Variants in POU6F2 observed in about 807,000 individuals in gnomAD.
POU6F2 encodes POU domain, class 6, transcription factor 2.
Under a neutral mutation model 71.3 loss-of-function variants are expected in POU6F2, and 31 were observed. That is an observed-to-expected ratio of 0.43 (90% CI 0.33 to 0.59). The LOEUF (loss-of-function observed/expected upper bound fraction) is 0.59. Among genes scored for constraint, POU6F2 ranks in the 20% least tolerant of loss-of-function variants. The pLI, the probability that POU6F2 is intolerant of heterozygous loss-of-function variation, is 0.04. For missense variants in POU6F2, 783 were observed against 856.8 expected (o/e 0.91, Z 1.07); for synonymous variants, 347 against 355.7 (o/e 0.98, Z 0.27).
intron 7 of POU6F2, among the ~76,000 whole-genome samples, chr7:39,433,522 G>C (rs964506470): frequency 6.6e-6 from 1 of 152,132 alleles, no homozygotes; most frequent in Non-Finnish European, 1.5e-5. Context: ...CAAACAGAGA[G>C]AGTGCCCTAA....
At chr7:39,031,491 A>G (rs1043199963) in intron 1 of POU6F2, among the ~76,000 whole-genome samples, 1 of 152,192 alleles carries the variant, frequency 6.6e-6, no homozygotes, top group African/African-American at 2.4e-5. Context: ...CACCTACTCT[A>G]TATTTCTATC....
chr7:39,458,229 G>A (rs1286671136), intron 8 of POU6F2, among the ~76,000 whole-genome samples: 2 of 152,152 alleles, frequency 1.3e-5, no homozygotes, highest in African/African-American at 4.8e-5. Flanking sequence ...GTGTGAACAT[G>A]AGGAGGAGCT....
intron 1 of POU6F2, among the ~76,000 whole-genome samples, chr7:39,021,188 C>T (rs1482884772): frequency 6.6e-6 from 1 of 151,756 alleles, no homozygotes; most frequent in Non-Finnish European, 1.5e-5. Context: ...TTGGTATATG[C>T]TTACAATGTG....
chr7:39,098,082 G>T (rs1007681484), intron 2 of POU6F2, among the ~76,000 whole-genome samples: 1 of 152,146 alleles, frequency 6.6e-6, no homozygotes, highest in African/African-American at 2.4e-5. Context: ...TTTAGGGATT[G>T]TCTCTTAATC....
At chr7:39,387,220 C>T (rs942457428) in intron 5 of POU6F2, among the ~76,000 whole-genome samples, 1 of 152,216 alleles carries the variant, frequency 6.6e-6, no homozygotes, top group Admixed American at 6.5e-5. Context: ...ATTTTATATT[C>T]CATCGTGCCA....
At chr7:39,327,139 C>T (rs1382461476) in intron 4 of POU6F2, among the ~76,000 whole-genome samples, 4 of 151,900 alleles carry the variant, frequency 2.6e-5, no homozygotes, top group South Asian at 2.1e-4. Context: ...ATCAGCCTGG[C>T]GTGGTGGCGG....
intron 1 of POU6F2, among the ~76,000 whole-genome samples, chr7:39,055,398 G>C (rs922010205): frequency 6.6e-6 from 1 of 152,056 alleles, no homozygotes; most frequent in Non-Finnish European, 1.5e-5. Context: ...CAATCCACTA[G>C]ATTAAGAACA....
At chr7:39,429,733 C>T (rs1237445707) in intron 6 of POU6F2, among the ~76,000 whole-genome samples, 1 of 152,200 alleles carries the variant, frequency 6.6e-6, no homozygotes, top group Non-Finnish European at 1.5e-5. Flanking sequence ...AGCAGTAAAT[C>T]TTAGCTTCTG....
At chr7:39,327,009 G>A (rs547407340) in intron 4 of POU6F2, among the ~76,000 whole-genome samples, 1 of 152,144 alleles carries the variant, frequency 6.6e-6, no homozygotes. Flanking sequence ...GACAGGCATG[G>A]AGGCTCACAC....
chr7:39,141,199 AG>A (rs1369938093), intron 2 of POU6F2, among the ~76,000 whole-genome samples: 1 of 152,206 alleles, frequency 6.6e-6, no homozygotes, highest in African/African-American at 2.4e-5. Context: ...AGCGCATAAA[AG>A]CTCTCATTAT....
At chr7:39,192,829 A>G (rs1259809368) in intron 2 of POU6F2, among the ~76,000 whole-genome samples, 2 of 152,136 alleles carry the variant, frequency 1.3e-5, no homozygotes, top group African/African-American at 4.8e-5. Context: ...TCCTGCTTTT[A>G]GTACTGCTCA....
chr7:39,429,992 C>T (rs976431850), intron 6 of POU6F2, among the ~76,000 whole-genome samples: 3 of 152,304 alleles, frequency 2.0e-5, no homozygotes, highest in African/African-American at 7.2e-5. Context: ...CGGTTCCATT[C>T]TTGCGACCTC....
intron 2 of POU6F2, among the ~76,000 whole-genome samples, chr7:39,148,189 C>G (rs1308825775): frequency 6.6e-6 from 1 of 152,190 alleles, no homozygotes; most frequent in Non-Finnish European, 1.5e-5. Flanking sequence ...GACCTTTTTG[C>G]CAGTGGGCAC....
intron 1 of POU6F2, among the ~76,000 whole-genome samples, chr7:39,009,082 G>C (rs1280116881): frequency 6.6e-6 from 1 of 152,024 alleles, no homozygotes; most frequent in Non-Finnish European, 1.5e-5. Flanking sequence ...AGCTTGATGG[G>C]GATGGCATTG....
At chr7:39,068,528 T>A (rs980315269) in intron 1 of POU6F2, among the ~76,000 whole-genome samples, 2 of 151,336 alleles carry the variant, frequency 1.3e-5, no homozygotes, top group Admixed American at 6.6e-5. Context: ...ATGTCTACAG[T>A]AAGTTCCATA....
At chr7:39,373,252 A>G (rs940556702) in intron 5 of POU6F2, among the ~76,000 whole-genome samples, 1 of 152,202 alleles carries the variant, frequency 6.6e-6, no homozygotes, top group Non-Finnish European at 1.5e-5. Context: ...CAGAAGGTGA[A>G]GGAAGAGAGG....
At chr7:39,459,246 T>C (rs947710738) in intron 8 of POU6F2, among the ~76,000 whole-genome samples, 2 of 152,238 alleles carry the variant, frequency 1.3e-5, no homozygotes, top group Non-Finnish European at 2.9e-5. Context: ...CTTTTGTCGT[T>C]GTTGTTTTAA....
Position 39,080,157 on chromosome 7 carries a change from G to T in POU6F2, c.106-5703G>T, listed in dbSNP as rs144228366. Among the ~76,000 whole-genome samples the T allele has an allele frequency of 2.1e-3, 313 of 152,170 alleles. 1 individual carries two copies. Among genetic ancestry groups the T allele is most frequent in the African/African-American group, 7.4e-3 (307 of 41,488 alleles). ...CTTATTTTAAAAAAGTCCTGAAAAG[G>T]TAAGGAAATATTGAATGATGAAAAA... On this transcript the variant is annotated intron_variant, in intron 1 of 9. Transcript: ENST00000518318.
intron 4 of POU6F2, among the ~76,000 whole-genome samples, chr7:39,315,852 C>T (rs187622012): frequency 5.9e-5 from 9 of 152,298 alleles, no homozygotes; most frequent in African/African-American, 1.4e-4. Context: ...TGTGGAGTGA[C>T]GAATTTTTTC....
Sources: allele counts gnomAD v4.1 joint callset (sites outside exome capture counted in the v4.1 genomes callset), GRCh38; gene constraint gnomAD v4.1.1; transcripts MANE v1.5; gene names NCBI Gene and HGNC (gene_info 2026-07-23, HGNC 2026-07-21).